Variants in TANGO2 observed in about 807,000 individuals in gnomAD.
TANGO2 encodes transport and Golgi organization protein 2 homolog.
Under a neutral mutation model 39.1 loss-of-function variants are expected in TANGO2, and 26 were observed. The observed-to-expected ratio is 0.67, with a 90% CI of 0.49 to 0.92. TANGO2 has a LOEUF of 0.92. TANGO2 is among the 40% of genes least tolerant of loss of function. The pLI is 0.00. For missense variants in TANGO2, 326 were observed against 360.1 expected (o/e 0.91, Z 0.77); for synonymous variants, 131 against 144.5 (o/e 0.91, Z 0.67).
In TANGO2 at chr22:20,057,299, C is replaced by T. The variant is rs2047552815; in HGVS notation, c.451+1286C>T. 6.6e-6 allele frequency among the ~76,000 whole-genome samples: 1 copy of T among 152,158 alleles called. No individual in the cohort carries two copies. Among genetic ancestry groups the T allele is most frequent in the Non-Finnish European group, 1.5e-5 (1 of 68,014 alleles). On this transcript the variant is annotated intron_variant, in intron 6 of 8. Transcript: ENST00000327374. The surrounding 1 kb of genome is among the most constrained non-coding windows in gnomAD (Gnocchi z 4.1). ...CTGGCTTCCAGCTTCCCACGTCTGC[C>T]CAGTGATGTTTCATCCACAGATAGG... is the stretch of plus-strand genomic sequence containing the variant.
At chr22:20,062,945 A>G (rs556808903) in intron 7 of TANGO2, 103 of 174,584 alleles carry the variant, frequency 5.9e-4, no homozygotes, top group Non-Finnish European at 1.0e-3. Flanking sequence ...ACATGGTGAA[A>G]CTCTGTCTCT....
chr22:20,027,197 G>A (rs1332396695), intron 1 of TANGO2, among the ~76,000 whole-genome samples: 2 of 152,174 alleles, frequency 1.3e-5, no homozygotes, highest in Non-Finnish European at 2.9e-5. Context: ...CTCTATCACT[G>A]TACAGCACCG....
At chr22:20,059,706 G>T (rs1035689344) in intron 6 of TANGO2, among the ~76,000 whole-genome samples, 2 of 152,066 alleles carry the variant, frequency 1.3e-5, no homozygotes, top group Non-Finnish European at 2.9e-5. Flanking sequence ...ATTCAGACTG[G>T]GTTGTCTTTT....
chr22:20,037,527 T>C (rs1001925413), intron 2 of TANGO2, among the ~76,000 whole-genome samples: 37 of 152,216 alleles, frequency 2.4e-4, no homozygotes, highest in Admixed American at 3.9e-4. Flanking sequence ...CCAGAAATGA[T>C]TTGAACCATT....
At chr22:20,037,860 G>C (rs1035892901) in intron 2 of TANGO2, among the ~76,000 whole-genome samples, 1 of 152,208 alleles carries the variant, frequency 6.6e-6, no homozygotes, top group Non-Finnish European at 1.5e-5. Context: ...CACTTTGGGA[G>C]GCCAAGGTGG....
At chr22:20,062,254 C>A (rs1441807022) in intron 7 of TANGO2, among the ~76,000 whole-genome samples, 1 of 152,176 alleles carries the variant, frequency 6.6e-6, no homozygotes, top group Non-Finnish European at 1.5e-5. Context: ...GTCTTCGTTG[C>A]CCCAGCCGGG....
At position 20,066,644 on chromosome 22, in the gene TANGO2, G is replaced by A. The variant is rs905292235; in HGVS notation, c.*1982G>A. Among the ~76,000 whole-genome samples, 3 of 152,166 alleles carry A rather than the reference G, an allele frequency of 2.0e-5. No homozygotes were observed. Among genetic ancestry groups the A allele is most frequent in the Non-Finnish European group, 4.4e-5 (3 of 68,012 alleles). ...GCACCCCCAGGCCTGAGGAGAAACT[G>A]AGGCCCCACATCCCATACGTGTCCT... On this transcript the variant is annotated 3_prime_UTR_variant, in exon 9 of 9. Transcript: ENST00000327374.
chr22:20,036,614 A>G, intron 1 of TANGO2, 146 bp from the exon 2 acceptor site: 1 of 697,506 alleles, frequency 1.4e-6, no homozygotes, highest in Non-Finnish European at 2.5e-6. Flanking sequence ...GGCACCGGCC[A>G]AGAGTGTGGT....
rs1002950599 is a variant in TANGO2 at position 20,021,201 on chromosome 22, CGGGCTCT to C, written c.-74_-68del. The C allele has an allele frequency of 6.6e-6, 1 of 152,184 alleles. No individual in the cohort carries two copies. Among genetic ancestry groups the C allele is most frequent in the Non-Finnish European group, 1.5e-5 (1 of 68,042 alleles). The allele number at this position is 152,184 out of a possible 1,614,324, so 9.4% of individuals were successfully genotyped here. On this transcript the variant is annotated 5_prime_UTR_variant, in exon 1 of 9. Coordinates refer to ENST00000327374, the MANE Select transcript of TANGO2 (RefSeq NM_152906.7). ...CCGGCCGGCCTGGGCTCGGGGGCTC[CGGGCTCT>C]GGGCTCTGGGTGCGCGGACCGGGCC...
chr22:20,056,449 AGTCCCCAGTCTGATCCCCG>A lies in TANGO2; in HGVS notation c.451+444_451+462del, dbSNP rs1242803722. On this transcript the variant is annotated intron_variant, in intron 6 of 8. Coordinates refer to ENST00000327374, the MANE Select transcript of TANGO2 (RefSeq NM_152906.7). ...ACACAGATGCACGCCTCCTGCACCCAGTCCCCAGTCTGATCCCCGGTCCCCATCCTCAGGGCCTCGAGCC... is the reference window on the plus strand; with the variant it reads ...ACACAGATGCACGCCTCCTGCACCCAGTCCCCATCCTCAGGGCCTCGAGCC... 12 of 460,448 alleles carry A rather than the reference AGTCCCCAGTCTGATCCCCG, an allele frequency of 2.6e-5. No homozygotes were observed. The Admixed American group carries it at 2.8e-4, about 11-fold the overall frequency. 28.5% of individuals were successfully genotyped at this position (460,448 alleles called of 1,614,324 possible).
intron 1 of TANGO2, among the ~76,000 whole-genome samples, chr22:20,021,597 A>G (rs557043197): frequency 4.2e-4 from 64 of 152,204 alleles, no homozygotes; most frequent in Non-Finnish European, 8.7e-4. Flanking sequence ...GGTGACAGCT[A>G]ATGTGGGTGT....
Position 20,054,310 on chromosome 22 carries a change from G to A in TANGO2, c.380+759G>A, listed in dbSNP as rs148058340. The A allele has an allele frequency of 3.3e-3, 524 of 157,566 alleles. 1 individual carries two copies. Among genetic ancestry groups the A allele is most frequent in the African/African-American group, 0.012 (489 of 41,574 alleles). The allele number at this position is 157,566 out of a possible 1,614,324, so 9.8% of individuals were successfully genotyped here. A position where few individuals can be genotyped will look rare whatever the true frequency, so the allele number is the denominator to read the frequency against. On this transcript the variant is annotated intron_variant, in intron 5 of 8. Coordinates refer to ENST00000327374, the MANE Select transcript of TANGO2 (RefSeq NM_152906.7). Reference sequence around the variant, plus strand: ...GGCTGGTGCGGGGCACTTGCTGTCCGGAGCCGTTCTTCCTGCCCATGCCTT... The same window carrying A: ...GGCTGGTGCGGGGCACTTGCTGTCCAGAGCCGTTCTTCCTGCCCATGCCTT...
At chr22:20,017,082 G>C (rs1200689861), upstream of TANGO2, 1 of 152,016 alleles carries the variant, frequency 6.6e-6, no homozygotes, top group African/African-American at 2.4e-5. Context: ...CCTCCCAGCC[G>C]ACTTACGAGA....
chr22:20,027,708 A>G (rs2041045987), intron 1 of TANGO2, among the ~76,000 whole-genome samples: 1 of 152,054 alleles, frequency 6.6e-6, no homozygotes, highest in Non-Finnish European at 1.5e-5. Context: ...CCTGGGCTCG[A>G]GCAATCCTTC....
chr22:20,061,736 G>T, intron 7 of TANGO2, 53 bp downstream of exon 7: 2 of 1,496,654 alleles, frequency 1.3e-6, no homozygotes, highest in Non-Finnish European at 1.8e-6. Context: ...CACCAGGGCA[G>T]AGGGAAAGGC....
chr22:20,038,750 G>A (rs960424774), intron 2 of TANGO2, among the ~76,000 whole-genome samples: 3 of 152,104 alleles, frequency 2.0e-5, no homozygotes, highest in South Asian at 2.1e-4. Flanking sequence ...CTCTGCCTGT[G>A]GGGTGTCCAG....
intron 8 of TANGO2, 116 bp from the exon 9 acceptor site, chr22:20,064,426 C>A: frequency 7.5e-7 from 1 of 1,340,678 alleles, no homozygotes; most frequent in Non-Finnish European, 1.0e-6. Flanking sequence ...TTGGCACAGC[C>A]TCCAGGCATG....
At chr22:20,052,317 C>A in intron 3 of TANGO2, 148 bp from the exon 4 acceptor site, 2 of 1,193,450 alleles carry the variant, frequency 1.7e-6, no homozygotes, top group South Asian at 3.0e-5. Flanking sequence ...GATTCCATAG[C>A]TGGGGCTGCT....
chr22:20,024,459 G>A (rs1278062465), intron 1 of TANGO2, among the ~76,000 whole-genome samples: 1 of 152,212 alleles, frequency 6.6e-6, no homozygotes, highest in Admixed American at 6.5e-5. Context: ...TTTGAAAAGA[G>A]CAACTCGTGC....
Sources: allele counts gnomAD v4.1 joint callset (sites outside exome capture counted in the v4.1 genomes callset), GRCh38; gene constraint gnomAD v4.1.1; non-coding constraint Gnocchi (gnomAD v3.1); transcripts MANE v1.5; gene names NCBI Gene and HGNC (gene_info 2026-07-23, HGNC 2026-07-21).